Variants in NDUFAF5 observed in about 807,000 individuals in gnomAD.
NDUFAF5 encodes arginine-hydroxylase NDUFAF5, mitochondrial.
In NDUFAF5, 34 loss-of-function variants were observed where a neutral mutation model predicts 48.9. The observed-to-expected ratio is 0.70, with a 90% CI of 0.53 to 0.93. The LOEUF (loss-of-function observed/expected upper bound fraction) is 0.93. Ranked by LOEUF, NDUFAF5 falls within the 40% of genes least tolerant of loss-of-function variation. The probability of loss-of-function intolerance (pLI) is 0.00; values close to 1 mark genes in which losing one functional copy is unlikely to be tolerated. For missense variants in NDUFAF5, 428 were observed against 427.5 expected (o/e 1.00, Z -0.01); for synonymous variants, 153 against 150.6 (o/e 1.02, Z -0.12).
At chr20:13,800,124 TGAGAA>T (rs745583205) in intron 6 of NDUFAF5, among the ~76,000 whole-genome samples, 1 of 152,146 alleles carries the variant, frequency 6.6e-6, no homozygotes, top group Non-Finnish European at 1.5e-5. Context: ...TTTGGACTTC[TGAGAA>T]GATGGCCAAG....
chr20:13,818,221 C>T lies in NDUFAF5; in HGVS notation c.*1011C>T, dbSNP rs1179841980. ...TGTACGTAGCACATGGGACTTTCCA[C>T]ATAGTAGATATTCAGTTACATTTTG... On this transcript the variant is annotated 3_prime_UTR_variant, in exon 11 of 11. Transcript: ENST00000378106. The T allele has an allele frequency of 2.2e-6, 1 of 454,064 alleles. No homozygotes were observed. Among genetic ancestry groups the T allele is most frequent in the South Asian group, 1.6e-5 (1 of 64,470 alleles). The allele number at this position is 454,064 out of a possible 1,614,324, so 28.1% of individuals were successfully genotyped here. A position where few individuals can be genotyped will look rare whatever the true frequency, so the allele number is the denominator to read the frequency against.
intron 8 of NDUFAF5, among the ~76,000 whole-genome samples, chr20:13,815,201 C>G (rs1014120917): frequency 6.6e-6 from 1 of 152,134 alleles, no homozygotes; most frequent in Non-Finnish European, 1.5e-5. Context: ...AATGAAAGCA[C>G]CATACCTGAG....
At chr20:13,803,987 T>C (rs907299785) in intron 7 of NDUFAF5, among the ~76,000 whole-genome samples, 6 of 152,128 alleles carry the variant, frequency 3.9e-5, no homozygotes, top group Non-Finnish European at 7.3e-5. Context: ...GGTTTCACCA[T>C]GTTGGCCAGT....
At chr20:13,815,500 T>G (rs905707477) in intron 8 of NDUFAF5, among the ~76,000 whole-genome samples, 17 of 152,214 alleles carry the variant, frequency 1.1e-4, no homozygotes, top group Non-Finnish European at 2.2e-4. Context: ...GTAGAAATCT[T>G]TTGAGATTAA....
chr20:13,817,370 TTC>T lies in NDUFAF5; in HGVS notation c.*161_*162del. The T allele has an allele frequency of 1.4e-6, 1 of 716,078 alleles. No homozygotes were observed. The highest frequency in any genetic ancestry group is 2.5e-6 in the Non-Finnish European group (1 of 393,526). The allele number at this position is 716,078 out of a possible 1,614,324, so 44.4% of individuals were successfully genotyped here. ...CTAATATCACATCTATAGTAACCAT[TTC>T]AGTTTCATATTGTTTCTGTTCTCAT... On this transcript the variant is annotated 3_prime_UTR_variant, in exon 11 of 11. Transcript: ENST00000378106.
In NDUFAF5 at chr20:13,819,078, ATTG is replaced by A. The variant is rs1371207480; in HGVS notation, c.*1871_*1873del. On this transcript the variant is annotated 3_prime_UTR_variant, in exon 11 of 11. Coordinates refer to ENST00000378106, the MANE Select transcript of NDUFAF5 (RefSeq NM_024120.5). The stretch of plus-strand genomic sequence containing the variant: ...CAAACACAGCTAATTGAGGACCCTT[ATTG>A]TTTAATGTGAGTGATTGTAGTGAAA... 1 of 152,246 alleles carries A rather than the reference ATTG, an allele frequency of 6.6e-6. No individual in the cohort carries two copies. Among genetic ancestry groups the A allele is most frequent in the Non-Finnish European group, 1.5e-5 (1 of 68,048 alleles). 9.4% of individuals were successfully genotyped at this position (152,246 alleles called of 1,614,324 possible). A position where few individuals can be genotyped will look rare whatever the true frequency, so the allele number is the denominator to read the frequency against.
intron 7 of NDUFAF5, among the ~76,000 whole-genome samples, chr20:13,805,356 A>C (rs981936557): frequency 6.6e-6 from 1 of 152,230 alleles, no homozygotes; most frequent in African/African-American, 2.4e-5. Context: ...ATAAAGAATG[A>C]GTTTTAGAAA....
At position 13,801,521 on chromosome 20, in the gene NDUFAF5, C is replaced by T. The variant is rs142082859; in HGVS notation, c.555C>T (p.Ile185=). 19 of 1,613,374 alleles carry T rather than the reference C, an allele frequency of 1.2e-5. No individual in the cohort carries two copies. Among genetic ancestry groups the T allele is most frequent in the East Asian group, 2.2e-5 (1 of 44,858 alleles). Residue 185 remains isoleucine, a synonymous_variant, in exon 7 of 11, where the codon ATC becomes ATT. Coordinates refer to ENST00000378106, the MANE Select transcript of NDUFAF5 (RefSeq NM_024120.5). ...HYILKPDGVF[I]GAMFGGDTLY... ...TTTTAAAACCAGATGGAGTGTTTAT[C>T]GGTGCAATGTTTGGAGGCGACACAC...
intron 6 of NDUFAF5, 146 bp downstream of exon 6, chr20:13,798,646 A>T (rs534791417): frequency 8.4e-6 from 6 of 712,362 alleles, no homozygotes; most frequent in Non-Finnish European, 1.3e-5. Context: ...GCCATTTGGC[A>T]TATTAGTAGT....
chr20:13,810,815 A>G (rs1281803001), intron 8 of NDUFAF5, among the ~76,000 whole-genome samples: 3 of 151,986 alleles, frequency 2.0e-5, no homozygotes, highest in Non-Finnish European at 2.9e-5. Flanking sequence ...AGGAAGGGAG[A>G]AGAGGTAGCA....
chr20:13,797,298 G>T (rs1271516447), intron 5 of NDUFAF5, among the ~76,000 whole-genome samples: 1 of 152,162 alleles, frequency 6.6e-6, no homozygotes, highest in Non-Finnish European at 1.5e-5. Context: ...GCACACAAAT[G>T]TTTATAGTAG....
intron 7 of NDUFAF5, 87 bp from the exon 8 acceptor site, chr20:13,808,755 G>C: frequency 3.7e-6 from 3 of 817,372 alleles, no homozygotes; most frequent in Non-Finnish European, 4.1e-6. Flanking sequence ...TGGGAGATTG[G>C]TCTGGGTAGT....
At chr20:13,807,598 ATTC>A (rs947267720) in intron 7 of NDUFAF5, among the ~76,000 whole-genome samples, 2 of 151,656 alleles carry the variant, frequency 1.3e-5, no homozygotes, top group African/African-American at 4.9e-5. Context: ...TAGAATACAT[ATTC>A]TTTAATTTGT....
chr20:13,791,913 C>T (rs188441921), intron 3 of NDUFAF5, among the ~76,000 whole-genome samples: 1 of 152,284 alleles, frequency 6.6e-6, no homozygotes, highest in Non-Finnish European at 1.5e-5. Flanking sequence ...CCTGTGAGAG[C>T]CAATTGTTAG....
intron 6 of NDUFAF5, 38 bp from the exon 7 acceptor site, chr20:13,801,448 A>G (rs1045554482): frequency 6.7e-6 from 9 of 1,352,704 alleles, no homozygotes; most frequent in Non-Finnish European, 8.2e-6. Context: ...TATATATATA[A>G]AAATTTGAAT....
In NDUFAF5 at chr20:13,792,837, A is replaced by G. The variant is rs1001551917; in HGVS notation, c.328-343A>G. 1.3e-5 allele frequency among the ~76,000 whole-genome samples: 2 copies of G among 152,178 alleles called. 1 individual carries two copies. Among genetic ancestry groups the G allele is most frequent in the South Asian group, 4.1e-4 (2 of 4,826 alleles). On this transcript the variant is annotated intron_variant, in intron 3 of 10. Coordinates refer to ENST00000378106, the MANE Select transcript of NDUFAF5 (RefSeq NM_024120.5). ...ACTCTGTAAACTCTTTGGATGAACA[A>G]CTAAAAGGCGGGAAACTCATAGCAG...
intron 8 of NDUFAF5, among the ~76,000 whole-genome samples, chr20:13,815,090 A>G (rs879572182): frequency 1.3e-5 from 2 of 152,198 alleles, no homozygotes; most frequent in Non-Finnish European, 2.9e-5. Context: ...TAGAATTTCT[A>G]GTGCATCACA....
intron 8 of NDUFAF5, chr20:13,814,366 T>C: frequency 1.1e-6 from 1 of 923,212 alleles, no homozygotes; most frequent in Admixed American, 2.4e-5. Context: ...GTGTATTTTT[T>C]TTCTTAATGG....
intron 8 of NDUFAF5, 192 bp downstream of exon 8, chr20:13,809,094 C>T: frequency 1.7e-6 from 1 of 597,444 alleles, no homozygotes; most frequent in Non-Finnish European, 3.0e-6. Flanking sequence ...ATGGAGGAGG[C>T]AGGCACCAGG....
Sources: allele counts gnomAD v4.1 joint callset (sites outside exome capture counted in the v4.1 genomes callset), GRCh38; gene constraint gnomAD v4.1.1; transcripts MANE v1.5; gene names NCBI Gene and HGNC (gene_info 2026-07-23, HGNC 2026-07-21).